Variants in FOXP1 observed in about 807,000 individuals in gnomAD.
FOXP1 encodes the protein forkhead box protein P1.
In FOXP1, 15 loss-of-function variants were observed where a neutral mutation model predicts 98.2. The ratio of observed to expected loss-of-function variants is 0.15; its 90% CI spans 0.10 to 0.24. The LOEUF (loss-of-function observed/expected upper bound fraction) is 0.24, where lower values mean the gene tolerates loss of function less well. Among genes scored for constraint, FOXP1 ranks in the 10% least tolerant of loss-of-function variants. The pLI is 1.00. For synonymous variants in FOXP1, 371 were observed against 314.5 expected (o/e 1.18, Z -1.90); for missense variants, 633 against 848.5 (o/e 0.75, Z 3.15).
intron 3 of FOXP1, among the ~76,000 whole-genome samples, chr3:71,490,067 TA>T (rs2090953822): frequency 6.6e-6 from 1 of 152,198 alleles, no homozygotes; most frequent in South Asian, 2.1e-4. Flanking sequence ...TGTAAAGTTC[TA>T]AAAGGCACAG....
At chr3:70,979,300 A>AAAAAAAAG (rs1559626123) in intron 14 of FOXP1, among the ~76,000 whole-genome samples, 1 of 115,032 alleles carries the variant, frequency 8.7e-6, no homozygotes, top group Non-Finnish European at 2.0e-5. Context: ...AAAAAAAAAA[A>AAAAAAAAG]AAAAAAAAAA....
At position 70,959,119 on chromosome 3, in the gene FOXP1, G is replaced by C. The variant is rs2106849259; in HGVS notation, c.*128C>G. 9.2e-7 allele frequency: 1 copy of C among 1,083,896 alleles called. No homozygotes were observed. Among genetic ancestry groups the C allele is most frequent in the Non-Finnish European group, 1.4e-6 (1 of 721,182 alleles). 67.1% of individuals were successfully genotyped at this position (1,083,896 alleles called of 1,614,324 possible). On this transcript the variant is annotated 3_prime_UTR_variant, in exon 21 of 21. Coordinates refer to ENST00000649528, the MANE Select transcript of FOXP1 (RefSeq NM_001349338.3). Reference sequence around the variant, plus strand: ...CTAAGAGTTAACACATTTCAGAGTTGTCAAAACGTAGTGAAAATCCTCCAG... The same window carrying C: ...CTAAGAGTTAACACATTTCAGAGTTCTCAAAACGTAGTGAAAATCCTCCAG...
chr3:71,137,652 T>A (rs1174526617), intron 6 of FOXP1, among the ~76,000 whole-genome samples: 2 of 152,176 alleles, frequency 1.3e-5, no homozygotes, highest in Non-Finnish European at 2.9e-5. Context: ...ATGCCAGCAG[T>A]GAAAATCAGC....
chr3:71,163,790 A>G (rs913506555), intron 6 of FOXP1, among the ~76,000 whole-genome samples: 9 of 152,172 alleles, frequency 5.9e-5, no homozygotes, highest in Admixed American at 5.9e-4. Context: ...AGGCCAGCCA[A>G]AACAAACAGT....
chr3:71,345,206 G>A (rs2077249368), intron 4 of FOXP1, among the ~76,000 whole-genome samples: 2 of 152,028 alleles, frequency 1.3e-5, no homozygotes, highest in South Asian at 2.1e-4. Flanking sequence ...TGGCCAACAT[G>A]GTGAAACCAT....
chr3:71,066,269 A>G (rs2052494010), intron 7 of FOXP1, among the ~76,000 whole-genome samples: 1 of 152,224 alleles, frequency 6.6e-6, no homozygotes, highest in Admixed American at 6.5e-5. Context: ...CGGGGAGCAG[A>G]CAATTCCCTC....
intron 5 of FOXP1, among the ~76,000 whole-genome samples, chr3:71,266,840 G>C (rs1390741708): frequency 2.0e-5 from 3 of 152,282 alleles, no homozygotes; most frequent in Middle Eastern, 6.8e-3. Flanking sequence ...TTCTGTTTCT[G>C]AGTTATTTCA....
rs538117390 is a variant in FOXP1 at position 71,123,947 on chromosome 3, G to C, written c.181-11310C>G. ...TATTTATTTTTTCACAATGCTTTGAGGTAAATTATACCCAGTTAACAGATG... is the reference window on the plus strand; with the variant it reads ...TATTTATTTTTTCACAATGCTTTGACGTAAATTATACCCAGTTAACAGATG... On this transcript the variant is annotated intron_variant, in intron 6 of 20. Coordinates refer to ENST00000649528, the MANE Select transcript of FOXP1 (RefSeq NM_001349338.3). Among the ~76,000 whole-genome samples, 3 of 152,072 alleles carry C rather than the reference G, an allele frequency of 2.0e-5. No homozygotes were observed. The South Asian group carries it at 6.2e-4, about 32-fold the overall frequency.
chr3:71,218,633 C>T (rs1208591389), intron 5 of FOXP1, among the ~76,000 whole-genome samples: 2 of 152,198 alleles, frequency 1.3e-5, no homozygotes, highest in Non-Finnish European at 2.9e-5. Context: ...GCCAGATGCT[C>T]TCTGTCCCAG....
intron 6 of FOXP1, 59 bp from the exon 7 acceptor site, chr3:71,112,696 TA>T: frequency 7.8e-7 from 1 of 1,283,378 alleles, no homozygotes; most frequent in Non-Finnish European, 1.1e-6. Flanking sequence ...GGACTCTTCA[TA>T]AAAAAGGATT....
chr3:71,045,202 T>C (rs2048855959), intron 10 of FOXP1, among the ~76,000 whole-genome samples: 3 of 152,232 alleles, frequency 2.0e-5, no homozygotes, highest in Non-Finnish European at 4.4e-5. Context: ...GGGCTAATAG[T>C]TATAGCAGAC....
intron 4 of FOXP1, among the ~76,000 whole-genome samples, chr3:71,335,850 C>T (rs1015653018): frequency 1.3e-5 from 2 of 151,672 alleles, no homozygotes; most frequent in Admixed American, 6.6e-5. Flanking sequence ...ACAAATAATA[C>T]AAAAATTAGC....
intron 6 of FOXP1, among the ~76,000 whole-genome samples, chr3:71,138,482 A>T (rs1348033650): frequency 2.0e-5 from 3 of 152,252 alleles, no homozygotes; most frequent in Admixed American, 2.0e-4. Context: ...TCTGAAAAAG[A>T]AAGGCGAGAA....
intron 3 of FOXP1, among the ~76,000 whole-genome samples, chr3:71,361,938 C>T (rs751110036): frequency 6.6e-6 from 1 of 152,184 alleles, no homozygotes; most frequent in African/African-American, 2.4e-5. Context: ...AAACCAACCT[C>T]GTCCAAGCAA....
intron 3 of FOXP1, among the ~76,000 whole-genome samples, chr3:71,377,535 T>C (rs920396370): frequency 2.6e-5 from 4 of 152,178 alleles, no homozygotes; most frequent in African/African-American, 9.6e-5. Flanking sequence ...AAACTGAGGC[T>C]TAAAATACTA....
At chr3:71,062,868 C>A (rs1485470651) in intron 7 of FOXP1, among the ~76,000 whole-genome samples, 1 of 152,182 alleles carries the variant, frequency 6.6e-6, no homozygotes, top group Non-Finnish European at 1.5e-5. Context: ...CTGGTATTGA[C>A]CCATACTATT....
At chr3:71,290,859 C>T (rs1439498380) in intron 5 of FOXP1, among the ~76,000 whole-genome samples, 2 of 152,168 alleles carry the variant, frequency 1.3e-5, no homozygotes, top group Non-Finnish European at 2.9e-5. Flanking sequence ...ATTATAAAAT[C>T]TGAAAGATCC....
In FOXP1 at chr3:71,579,632, C is replaced by CTTT. The variant is rs35646548; in HGVS notation, c.-298+1914_-298+1916dup. Among the ~76,000 whole-genome samples, 129 of 122,960 alleles carry CTTT rather than the reference C, an allele frequency of 1.0e-3. 1 individual carries two copies. Among genetic ancestry groups the CTTT allele is most frequent in the African/African-American group, 3.0e-3 (96 of 32,222 alleles). The allele number at this position is 122,960 out of a possible 152,430, so 80.7% of individuals were successfully genotyped here. A position where few individuals can be genotyped will look rare whatever the true frequency, so the allele number is the denominator to read the frequency against. ...TTTTTTTTTCTTTTTTTTCTTTTTT[C>CTTT]TTTTTTTTTTTTTTTTTGAGCTTCA... On this transcript the variant is annotated intron_variant, in intron 2 of 20. Coordinates refer to ENST00000649528, the MANE Select transcript of FOXP1 (RefSeq NM_001349338.3).
At chr3:71,071,457 G>A (rs184456864) in intron 7 of FOXP1, among the ~76,000 whole-genome samples, 6 of 152,286 alleles carry the variant, frequency 3.9e-5, no homozygotes, top group African/African-American at 1.4e-4. Flanking sequence ...TATGACTTAG[G>A]ATTCTATTAA....
Sources: allele counts gnomAD v4.1 joint callset (sites outside exome capture counted in the v4.1 genomes callset), GRCh38; gene constraint gnomAD v4.1.1; transcripts MANE v1.5; gene names NCBI Gene and HGNC (gene_info 2026-07-23, HGNC 2026-07-21).